AP3S1: variants seen among roughly 807,000 people sequenced by gnomAD.
AP3S1 encodes the protein adaptor related protein complex 3 subunit sigma 1.
In AP3S1, 12 loss-of-function variants were observed where a neutral mutation model predicts 21.3. The observed-to-expected ratio is 0.56, with a 90% CI of 0.36 to 0.91. AP3S1 has a LOEUF of 0.91. AP3S1 is among the 40% of genes least tolerant of loss of function. The probability of loss-of-function intolerance (pLI) is 0.01; values close to 1 mark genes in which losing one functional copy is unlikely to be tolerated. For synonymous variants in AP3S1, 48 were observed against 78.4 expected, an observed-to-expected ratio of 0.61 and a Z score of 2.05; for missense variants, 116 against 225.0, an observed-to-expected ratio of 0.52 and a Z score of 3.10.
chr5:115,843,562 C>G (rs1251202807), intron 1 of AP3S1, among the ~76,000 whole-genome samples: 1 of 152,162 alleles, frequency 6.6e-6, no homozygotes, highest in Non-Finnish European at 1.5e-5. Context: ...ATTAACTTTA[C>G]CTGTTTGTTA....
At chr5:115,865,469 A>G (rs180988908) in intron 1 of AP3S1, among the ~76,000 whole-genome samples, 28 of 152,160 alleles carry the variant, frequency 1.8e-4, no homozygotes, top group Admixed American at 1.7e-3. Context: ...ATCTTCAAAA[A>G]CTGGTTTCAT....
At chr5:115,844,802 T>A (rs1322589213) in intron 1 of AP3S1, among the ~76,000 whole-genome samples, 1 of 152,194 alleles carries the variant, frequency 6.6e-6, no homozygotes, top group Non-Finnish European at 1.5e-5. Context: ...ATTTTTTTCA[T>A]CTTTGTTATG....
At chr5:115,861,606 T>C (rs1763187585) in intron 1 of AP3S1, among the ~76,000 whole-genome samples, 1 of 152,008 alleles carries the variant, frequency 6.6e-6, no homozygotes, top group Non-Finnish European at 1.5e-5. Flanking sequence ...CCAGACTGGA[T>C]TGTGGTGGCA....
chr5:115,895,237 G>T lies in AP3S1; in HGVS notation c.345+79G>T, dbSNP rs1423549176. 6.4e-6 allele frequency: 6 copies of T among 933,338 alleles called. No homozygotes were observed. The African/African-American group carries it at 6.8e-5, about 11-fold the overall frequency. 57.8% of individuals were successfully genotyped at this position (933,338 alleles called of 1,614,324 possible). On this transcript the variant is annotated intron_variant, in intron 4 of 5. Coordinates refer to ENST00000316788, the MANE Select transcript of AP3S1 (RefSeq NM_001284.4). ...TTGTCATAGCAAAAATGGCTTTAAT[G>T]AATAATTCTATTTTTATTCTTTTAT...
At chr5:115,882,808 C>T (rs544552350) in intron 3 of AP3S1, among the ~76,000 whole-genome samples, 1 of 152,338 alleles carries the variant, frequency 6.6e-6, no homozygotes, top group East Asian at 1.9e-4. Context: ...ACAGCCACCC[C>T]TTCCCCCAGG....
chr5:115,868,835 T>G (rs1747933620), intron 2 of AP3S1, among the ~76,000 whole-genome samples: 1 of 150,174 alleles, frequency 6.7e-6, no homozygotes, highest in African/African-American at 2.5e-5. Flanking sequence ...TGAGCTGAGA[T>G]AGCACCATTG....
At chr5:115,855,009 T>C (rs1762698835) in intron 1 of AP3S1, among the ~76,000 whole-genome samples, 1 of 148,796 alleles carries the variant, frequency 6.7e-6, no homozygotes, top group Admixed American at 6.7e-5. Flanking sequence ...TGTGTGTATG[T>C]ATATATTTTA....
intron 3 of AP3S1, among the ~76,000 whole-genome samples, chr5:115,874,750 A>G (rs1748554370): frequency 6.6e-6 from 1 of 152,038 alleles, no homozygotes; most frequent in Admixed American, 6.6e-5. Context: ...CAAGTTATTT[A>G]TTCTTTATAG....
intron 1 of AP3S1, 40 bp downstream of exon 1, chr5:115,842,146 CGTT>C (rs1306057052): frequency 2.6e-6 from 4 of 1,525,868 alleles, no homozygotes; most frequent in African/African-American, 2.9e-5. Flanking sequence ...GAGGGGGAGT[CGTT>C]GGCGACGGGC....
chr5:115,877,852 G>T (rs184401289), intron 3 of AP3S1, among the ~76,000 whole-genome samples: 2 of 151,990 alleles, frequency 1.3e-5, no homozygotes, highest in Non-Finnish European at 1.5e-5. Context: ...TCACATCCTC[G>T]CCAGCATCTG....
intron 1 of AP3S1, among the ~76,000 whole-genome samples, chr5:115,845,025 T>G (rs1171412702): frequency 1.3e-5 from 2 of 152,230 alleles, no homozygotes; most frequent in Non-Finnish European, 2.9e-5. Context: ...TTGCTGAGTT[T>G]CCTTCTATCT....
chr5:115,842,886 T>A (rs754821955), intron 1 of AP3S1, among the ~76,000 whole-genome samples: 1 of 152,272 alleles, frequency 6.6e-6, no homozygotes, highest in Admixed American at 6.5e-5. Context: ...CTAAAAGTTA[T>A]GATTTCAGCT....
chr5:115,873,038 C>T (rs929013294), intron 3 of AP3S1, among the ~76,000 whole-genome samples: 3 of 152,120 alleles, frequency 2.0e-5, no homozygotes, highest in African/African-American at 7.2e-5. Flanking sequence ...AATTTAGTCT[C>T]TTATTGAAGA....
intron 4 of AP3S1, among the ~76,000 whole-genome samples, chr5:115,898,017 A>G (rs1750904728): frequency 6.6e-6 from 1 of 152,218 alleles, no homozygotes. Context: ...GCAGTAGCGA[A>G]CATGGAAATG....
rs767258827 is a variant in AP3S1, at chr5:115,902,550, CATA to C, written c.346-320_346-318del. On this transcript the variant is annotated intron_variant, in intron 4 of 5. Transcript: ENST00000316788. ...AATCATATTTTAGTATTAAACTTCA[CATA>C]ATAATAATAATAATGGTAGTTAATA... 6.6e-5 allele frequency among the ~76,000 whole-genome samples: 10 copies of C among 151,970 alleles called. No homozygotes were observed. The East Asian group carries it at 1.4e-3, about 21-fold the overall frequency.
chr5:115,906,061 C>A (rs6880372), intron 5 of AP3S1, among the ~76,000 whole-genome samples: 16,306 of 152,042 alleles, frequency 0.11, 1,537 homozygotes, highest in East Asian at 0.32. Context: ...TGGAGCCTGA[C>A]GCGCAAGAAT....
At chr5:115,884,717 C>T (rs752483496) in intron 3 of AP3S1, among the ~76,000 whole-genome samples, 1 of 152,216 alleles carries the variant, frequency 6.6e-6, no homozygotes, top group Non-Finnish European at 1.5e-5. Flanking sequence ...CAGAGTCTTT[C>T]TAAACTTAAC....
chr5:115,911,025 C>A (rs981812596), intron 5 of AP3S1, among the ~76,000 whole-genome samples: 2 of 152,044 alleles, frequency 1.3e-5, no homozygotes, highest in African/African-American at 4.8e-5. Context: ...GTTTGTTGTA[C>A]TTAGAAACTT....
rs1338333900 is a variant in AP3S1, at chr5:115,849,061, ACTCTTT to A, written c.69+6962_69+6967del. Among the ~76,000 whole-genome samples, 5 of 151,328 alleles carry A rather than the reference ACTCTTT, an allele frequency of 3.3e-5. No individual in the cohort carries two copies. The East Asian group carries it at 9.7e-4, about 29-fold the overall frequency. ...ACTTTCTGATCTGTCTCTCCATTAC[ACTCTTT>A]CTCTTTTCCTGTCCATATTCTTTCA... On this transcript the variant is annotated intron_variant, in intron 1 of 5. Coordinates refer to ENST00000316788, the MANE Select transcript of AP3S1 (RefSeq NM_001284.4).
Sources: gnomAD v4.1 joint callset for allele counts (sites outside exome capture counted in the v4.1 genomes callset) on GRCh38, gnomAD v4.1.1 for gene constraint, MANE v1.5 for transcripts, NCBI Gene and HGNC (gene_info 2026-07-23, HGNC 2026-07-21) for gene names.